PTPRJ: variants seen among roughly 807,000 people sequenced by gnomAD.
PTPRJ encodes the protein receptor-type tyrosine-protein phosphatase eta.
A neutral mutation model predicts 141.3 loss-of-function variants in PTPRJ; 129 were observed. The ratio of observed to expected loss-of-function variants is 0.91; its 90% CI spans 0.79 to 1.06. PTPRJ has a LOEUF of 1.06. PTPRJ is among the 50% of genes least tolerant of loss of function. The pLI is 0.00. For missense variants in PTPRJ, 1,601 were observed against 1,679.7 expected, an observed-to-expected ratio of 0.95 and a Z score of 0.82; for synonymous variants, 610 against 640.5, an observed-to-expected ratio of 0.95 and a Z score of 0.72.
At chr11:48,097,389 C>T (rs1856037247) in intron 1 of PTPRJ, among the ~76,000 whole-genome samples, 1 of 152,162 alleles carries the variant, frequency 6.6e-6, no homozygotes, top group Non-Finnish European at 1.5e-5. Context: ...TTTTGTGACT[C>T]ACCCTTTCCT....
intron 1 of PTPRJ, among the ~76,000 whole-genome samples, chr11:48,018,524 A>G (rs1411117624): frequency 1.3e-5 from 2 of 152,064 alleles, no homozygotes; most frequent in Non-Finnish European, 2.9e-5. Flanking sequence ...TTTTTTTCTT[A>G]CCACATGTAA....
intron 1 of PTPRJ, among the ~76,000 whole-genome samples, chr11:48,041,689 A>G (rs1366144206): frequency 6.6e-6 from 1 of 152,022 alleles, no homozygotes; most frequent in African/African-American, 2.4e-5. Context: ...CAGTGGTGCA[A>G]TCATGGCTCG....
chr11:48,038,785 C>T (rs1001979195), intron 1 of PTPRJ, among the ~76,000 whole-genome samples: 3 of 150,646 alleles, frequency 2.0e-5, no homozygotes, highest in Admixed American at 6.6e-5. Flanking sequence ...CCATGGTGCC[C>T]GGTGGAGTAG....
intron 17 of PTPRJ, 32 bp from the exon 18 acceptor site, chr11:48,150,064 G>A (rs1333739556): frequency 1.3e-6 from 2 of 1,582,022 alleles, no homozygotes; most frequent in Non-Finnish European, 1.7e-6. Flanking sequence ...TTCACTGAAT[G>A]TAAAAAATCC....
intron 6 of PTPRJ, 117 bp from the exon 7 acceptor site, chr11:48,127,663 G>A (rs1856873832): frequency 1.9e-6 from 2 of 1,060,238 alleles, no homozygotes; most frequent in East Asian, 4.8e-5. Flanking sequence ...TGGTGCAGAG[G>A]AGGAAGGAAC....
chr11:48,018,705 C>T (rs1243403941), intron 1 of PTPRJ, among the ~76,000 whole-genome samples: 2 of 152,160 alleles, frequency 1.3e-5, no homozygotes, highest in Non-Finnish European at 2.9e-5. Context: ...CAAATCCTTC[C>T]CTCCGAACTG....
chr11:48,127,728 C>T lies in PTPRJ; in HGVS notation c.1094-52C>T, dbSNP rs1410052275. The T allele has an allele frequency of 1.2e-5, 19 of 1,584,964 alleles. No homozygotes were observed. The South Asian group carries it at 1.9e-4, about 15-fold the overall frequency. On this transcript the variant is annotated intron_variant, in intron 6 of 24. Coordinates refer to ENST00000418331, the MANE Select transcript of PTPRJ (RefSeq NM_002843.4). ...CAGCATGCCCTGATGACCTCTCCCT[C>T]CCTCTGCCTTGGCCGTTCTGGTTAT...
At chr11:48,138,284 G>T (rs1857151235) in intron 10 of PTPRJ, among the ~76,000 whole-genome samples, 1 of 152,160 alleles carries the variant, frequency 6.6e-6, no homozygotes, top group Non-Finnish European at 1.5e-5. Context: ...ACCCATCTTT[G>T]ATATTTGGGT....
At chr11:48,075,815 T>A (rs7110054) in intron 1 of PTPRJ, among the ~76,000 whole-genome samples, 2 of 152,172 alleles carry the variant, frequency 1.3e-5, no homozygotes, top group African/African-American at 4.8e-5. Flanking sequence ...TTACCTTGCC[T>A]TTCCGCACCT....
chr11:48,134,085 G>A (rs1316918149), intron 8 of PTPRJ, among the ~76,000 whole-genome samples: 1 of 152,054 alleles, frequency 6.6e-6, no homozygotes, highest in Non-Finnish European at 1.5e-5. Flanking sequence ...ACTGACAAAT[G>A]GTTAAGATGA....
intron 1 of PTPRJ, among the ~76,000 whole-genome samples, chr11:48,023,715 A>G (rs1219376236): frequency 6.7e-6 from 1 of 149,906 alleles, no homozygotes; most frequent in African/African-American, 2.5e-5. Flanking sequence ...CTGGAAGGCA[A>G]AGATTGCAGT....
In PTPRJ at chr11:47,980,707, C is replaced by T. The variant is rs982482862; in HGVS notation, c.-206C>T. On this transcript the variant is annotated 5_prime_UTR_variant, in exon 1 of 25. Coordinates refer to ENST00000418331, the MANE Select transcript of PTPRJ (RefSeq NM_002843.4). ...ACGCGGCCCCCCCGCGGCAGCCGCG[C>T]TAGGCTCCGGCGTGTGGCCGCGGCC... The T allele has an allele frequency of 5.1e-5, 51 of 995,936 alleles. No individual in the cohort carries two copies. In the African/African-American group the frequency reaches 7.7e-4, roughly 15 times the overall value. The allele number at this position is 995,936 out of a possible 1,614,324, so 61.7% of individuals were successfully genotyped here.
At position 48,136,366 on chromosome 11, in the gene PTPRJ, A is replaced by G; in HGVS notation, c.1873+70A>G. 1.9e-6 allele frequency: 3 copies of G among 1,538,998 alleles called. No individual in the cohort carries two copies. The South Asian group carries it at 3.6e-5, about 19-fold the overall frequency. On this transcript the variant is annotated intron_variant, in intron 9 of 24. Coordinates refer to ENST00000418331, the MANE Select transcript of PTPRJ (RefSeq NM_002843.4). ...GTCTCTTGGAGGAGGCACTGGTTAA[A>G]TGATGGCCAGTGTGCTTCTGGGATC...
chr11:48,121,405 T>G, intron 4 of PTPRJ, 139 bp downstream of exon 4: 1 of 973,402 alleles, frequency 1.0e-6, no homozygotes, highest in Non-Finnish European at 1.5e-6. Flanking sequence ...CTATGTTGTT[T>G]CAAGCCTGGG....
intron 1 of PTPRJ, among the ~76,000 whole-genome samples, chr11:48,107,916 C>T (rs1856336263): frequency 6.6e-6 from 1 of 151,900 alleles, no homozygotes; most frequent in South Asian, 2.1e-4. Context: ...GATGCTGTCC[C>T]CATACAGAAA....
At chr11:48,165,650 T>A (rs775538706) in intron 24 of PTPRJ, among the ~76,000 whole-genome samples, 10 of 152,158 alleles carry the variant, frequency 6.6e-5, no homozygotes, top group Non-Finnish European at 1.3e-4. Context: ...GCTTGGTGGT[T>A]GTTGTGGAAA....
At chr11:48,140,668 A>G (rs1171112109) in intron 11 of PTPRJ, among the ~76,000 whole-genome samples, 5 of 152,240 alleles carry the variant, frequency 3.3e-5, no homozygotes, top group Non-Finnish European at 5.9e-5. Context: ...GAGCAGGACC[A>G]TCCCACTAGA....
chr11:48,096,090 T>C (rs542444657), intron 1 of PTPRJ, among the ~76,000 whole-genome samples: 1 of 152,352 alleles, frequency 6.6e-6, no homozygotes, highest in East Asian at 1.9e-4. Flanking sequence ...ATTGCTGACT[T>C]ACTCAGTTGA....
At chr11:48,055,256 C>A (rs903076309) in intron 1 of PTPRJ, among the ~76,000 whole-genome samples, 1 of 152,116 alleles carries the variant, frequency 6.6e-6, no homozygotes, top group Non-Finnish European at 1.5e-5. Flanking sequence ...AAAGATGACC[C>A]TCCAAAGTGG....
Sources: gnomAD v4.1 joint callset for allele counts (sites outside exome capture counted in the v4.1 genomes callset) on GRCh38, gnomAD v4.1.1 for gene constraint, MANE v1.5 for transcripts, NCBI Gene and HGNC (gene_info 2026-07-23, HGNC 2026-07-21) for gene names.